PCDHGB1: variants seen among roughly 807,000 people sequenced by gnomAD.
PCDHGB1 encodes the protein protocadherin gamma-B1.
PCDHGB1 carries 34 observed loss-of-function variants against 56.6 expected under a neutral mutation model. The ratio of observed to expected loss-of-function variants is 0.60; its 90% CI spans 0.46 to 0.80. The LOEUF is 0.80. Ranked by LOEUF, PCDHGB1 falls within the 30% of genes least tolerant of loss-of-function variation. The probability of loss-of-function intolerance (pLI) is 0.00; values close to 1 mark genes in which losing one functional copy is unlikely to be tolerated. For synonymous variants in PCDHGB1, 561 were observed against 505.9 expected, an observed-to-expected ratio of 1.11 and a Z score of -1.46; for missense variants, 1,278 against 1,204.6, an observed-to-expected ratio of 1.06 and a Z score of -0.90.
chr5:141,415,270 G>A (rs1044469814), intron 1 of PCDHGB1: 1 of 1,614,118 alleles, frequency 6.2e-7, no homozygotes, highest in Non-Finnish European at 8.5e-7. Flanking sequence ...GTACCTGGTG[G>A]TAGCGGTGGC....
chr5:141,351,978 T>A lies in PCDHGB1; in HGVS notation c.1718T>A (p.Met573Lys). Reference protein sequence around the residue: ...LGPDGSALFDMVPRAAEPGYL... With the variant: ...LGPDGSALFDKVPRAAEPGYL... ...CCTGATGGCTCCGCCCTCTTCGATA[T>A]GGTGCCACGCGCCGCAGAGCCCGGC... The change falls in exon 1 of 4, where the codon ATG (methionine) becomes AAG (lysine). Residue 573 changes from methionine to lysine, a missense_variant. Physicochemically the swap from Met to Lys is moderately conservative, Grantham distance 95. Transcript: ENST00000523390. 6.2e-7 allele frequency: 1 copy of A among 1,612,196 alleles called. No individual in the cohort carries two copies. Among genetic ancestry groups the A allele is most frequent in the Non-Finnish European group, 8.5e-7 (1 of 1,179,668 alleles).
At chr5:141,421,192 C>G (rs758345796) in intron 1 of PCDHGB1, 22 of 1,491,716 alleles carry the variant, frequency 1.5e-5, no homozygotes, top group Non-Finnish European at 1.9e-5. Flanking sequence ...AACCAACCAG[C>G]TCGAGAAACC....
intron 1 of PCDHGB1, chr5:141,379,005 C>T (rs556550665): frequency 4.6e-4 from 70 of 152,174 alleles, no homozygotes; most frequent in Non-Finnish European, 6.8e-4. Context: ...CAAGATTTTT[C>T]TCCAGTCATG....
At chr5:141,425,392 A>G (rs2096872216) in intron 1 of PCDHGB1, among the ~76,000 whole-genome samples, 1 of 152,232 alleles carries the variant, frequency 6.6e-6, no homozygotes, top group African/African-American at 2.4e-5. Flanking sequence ...GGTAGTGATA[A>G]AGTTCTGTTA....
intron 1 of PCDHGB1, chr5:141,423,426 GGCAGGTA>G: frequency 1.9e-6 from 3 of 1,614,028 alleles, no homozygotes; most frequent in Non-Finnish European, 2.5e-6. Flanking sequence ...AAGGCGGGTT[GGCAGGTA>G]TGCCCACGTC....
At chr5:141,473,167 C>T (rs1360150717) in intron 1 of PCDHGB1, among the ~76,000 whole-genome samples, 2 of 152,122 alleles carry the variant, frequency 1.3e-5, no homozygotes. Flanking sequence ...TAGGAAGGCC[C>T]ACTGGTAACT....
At chr5:141,403,960 G>A (rs775638627) in intron 1 of PCDHGB1, 10 of 1,613,658 alleles carry the variant, frequency 6.2e-6, no homozygotes, top group East Asian at 4.5e-5. Flanking sequence ...TGCTCATTTC[G>A]GTGGAAGATG....
chr5:141,477,600 T>A lies in PCDHGB1; in HGVS notation c.2410-17207T>A, dbSNP rs746047124. The A allele has an allele frequency of 6.2e-6, 10 of 1,614,146 alleles. No homozygotes were observed. The highest frequency in any genetic ancestry group is 7.6e-6 in the Non-Finnish European group (9 of 1,180,026). ...CCGCAGAATGCTCGGCTTTCTTTCT[T>A]TCTCTTGGAGCAAGGAGCTGAAACC... On this transcript the variant is annotated intron_variant, in intron 1 of 3. Coordinates refer to ENST00000523390, the MANE Select transcript of PCDHGB1 (RefSeq NM_018922.3). This position sits in a 1 kb window ranked among gnomAD's most constrained non-coding sequence, Gnocchi z 4.9.
At chr5:141,371,430 G>C in intron 1 of PCDHGB1, 1 of 1,613,962 alleles carries the variant, frequency 6.2e-7, no homozygotes, top group South Asian at 1.1e-5. Flanking sequence ...CAATGCCCCG[G>C]AGATAACCCT....
At chr5:141,473,335 C>T (rs1243738475) in intron 1 of PCDHGB1, among the ~76,000 whole-genome samples, 3 of 152,184 alleles carry the variant, frequency 2.0e-5, no homozygotes, top group Non-Finnish European at 4.4e-5. Context: ...GCCTGCTGTG[C>T]TAGACAGTGA....
chr5:141,374,724 C>A (rs1384151075), intron 1 of PCDHGB1: 1 of 1,610,030 alleles, frequency 6.2e-7, no homozygotes, highest in African/African-American at 1.3e-5. Context: ...GTCCTTACTG[C>A]CATGGATGGC....
rs540188136 is a variant in PCDHGB1 at position 141,375,695 on chromosome 5, G to T, written c.2409+23026G>T. Reference sequence around the variant, plus strand: ...GCTGTGGGTGACAGCCAGCGACAGCGGGGACCCGCCTCTTAGCAGCAACGT... The same window carrying T: ...GCTGTGGGTGACAGCCAGCGACAGCTGGGACCCGCCTCTTAGCAGCAACGT... On this transcript the variant is annotated intron_variant, in intron 1 of 3. Coordinates refer to ENST00000523390, the MANE Select transcript of PCDHGB1 (RefSeq NM_018922.3). 1.5e-5 allele frequency: 25 copies of T among 1,614,250 alleles called. No individual in the cohort carries two copies. In the African/African-American group the frequency reaches 2.9e-4, roughly 19 times the overall value.
intron 1 of PCDHGB1, chr5:141,414,451 G>C (rs1390702349): frequency 1.9e-6 from 3 of 1,613,874 alleles, no homozygotes; most frequent in Non-Finnish European, 2.5e-6. Context: ...CAATATCACA[G>C]TGACAGCCAC....
intron 1 of PCDHGB1, among the ~76,000 whole-genome samples, chr5:141,436,522 C>T (rs933890051): frequency 3.9e-5 from 6 of 152,088 alleles, no homozygotes; most frequent in African/African-American, 1.4e-4. Context: ...ACTGTGTCAC[C>T]TTTAGCAAGT....
In PCDHGB1 at chr5:141,430,592, C is replaced by G; in HGVS notation, c.2410-64215C>G. The G allele has an allele frequency of 9.2e-6, 5 of 544,570 alleles. No individual in the cohort carries two copies. In the South Asian group the frequency reaches 3.1e-4, roughly 34 times the overall value. The allele number at this position is 544,570 out of a possible 1,614,324, so 33.7% of individuals were successfully genotyped here. ...AAGCGGAGATCCTGCTCGCCTTGCACGCGCCTGAAGCACAAAGCAGATAGC... is the reference window on the plus strand; with the variant it reads ...AAGCGGAGATCCTGCTCGCCTTGCAGGCGCCTGAAGCACAAAGCAGATAGC... On this transcript the variant is annotated intron_variant, in intron 1 of 3. Coordinates refer to ENST00000523390, the MANE Select transcript of PCDHGB1 (RefSeq NM_018922.3).
intron 1 of PCDHGB1, chr5:141,357,065 A>C: frequency 1.2e-6 from 2 of 1,613,964 alleles, no homozygotes; most frequent in Non-Finnish European, 8.5e-7. Context: ...GTGGGGCTGC[A>C]CACAGGCGAG....
In PCDHGB1 at chr5:141,418,596, T is replaced by C; in HGVS notation, c.2409+65927T>C. On this transcript the variant is annotated intron_variant, in intron 1 of 3. Coordinates refer to ENST00000523390, the MANE Select transcript of PCDHGB1 (RefSeq NM_018922.3). Reference sequence around the variant, plus strand: ...AACCCCCCAGTGTTCAGCCAGGACGTGTACAGGGTTAGCCTTCGGGAAGAC... The same window carrying C: ...AACCCCCCAGTGTTCAGCCAGGACGCGTACAGGGTTAGCCTTCGGGAAGAC... 8.7e-6 allele frequency: 14 copies of C among 1,614,046 alleles called. No individual in the cohort carries two copies. The highest frequency in any genetic ancestry group is 1.1e-5 in the Non-Finnish European group (13 of 1,179,906).
At position 141,476,051 on chromosome 5, in the gene PCDHGB1, GA is replaced by G; in HGVS notation, c.2410-18753del. On this transcript the variant is annotated intron_variant, in intron 1 of 3. Transcript: ENST00000523390. This position sits in a 1 kb window ranked among gnomAD's most constrained non-coding sequence, Gnocchi z 7.6. ...CCCAGCGCCCAAGCGCTAACCCGCT[GA>G]AAGTTTCTCAGCGAAATCTCAGGGA... 1.3e-6 allele frequency: 2 copies of G among 1,504,270 alleles called. No individual in the cohort carries two copies. The highest frequency in any genetic ancestry group is 1.8e-6 in the Non-Finnish European group (2 of 1,133,694). The allele number at this position is 1,504,270 out of a possible 1,614,324, so 93.2% of individuals were successfully genotyped here.
At chr5:141,355,713 G>A (rs756628846) in intron 1 of PCDHGB1, 4 of 1,614,022 alleles carry the variant, frequency 2.5e-6, no homozygotes, top group South Asian at 1.1e-5. Context: ...AGGGTTACCA[G>A]CTCAACTCAA....
Sources: gnomAD v4.1 joint callset for allele counts (sites outside exome capture counted in the v4.1 genomes callset) on GRCh38, gnomAD v4.1.1 for gene constraint, Gnocchi (gnomAD v3.1) non-coding constraint, MANE v1.5 for transcripts, NCBI Gene and HGNC (gene_info 2026-07-23, HGNC 2026-07-21) for gene names.